The following DPH6 variants were observed in gnomAD, a reference collection of about 807,000 sequenced individuals.
DPH6 encodes the protein diphthine--ammonia ligase.
Under a neutral mutation model 38.2 loss-of-function variants are expected in DPH6, and 33 were observed. That is an observed-to-expected ratio of 0.86 (90% CI 0.65 to 1.15). The LOEUF is 1.15. Ranked by LOEUF, DPH6 falls within the 50% of genes most tolerant of loss-of-function variation. The pLI, the probability that DPH6 is intolerant of heterozygous loss-of-function variation, is 0.00. For synonymous variants in DPH6, 108 were observed against 103.0 expected (o/e 1.05, Z -0.30); for missense variants, 325 against 320.0 (o/e 1.02, Z -0.12).
intron 3 of DPH6, among the ~76,000 whole-genome samples, chr15:35,234,502 A>G (rs2051538713): frequency 6.6e-6 from 1 of 152,242 alleles, no homozygotes; most frequent in Non-Finnish European, 1.5e-5. Context: ...ACAAATCAAA[A>G]TTTACAATAA....
At chr15:35,542,311 G>A (rs1249070373) in intron 2 of DPH6, 102 bp downstream of exon 2, 1 of 957,862 alleles carries the variant, frequency 1.0e-6, no homozygotes, top group Non-Finnish European at 1.6e-6. Context: ...AATATTTATT[G>A]GTTCTTTTTT....
At chr15:35,239,777 C>T (rs1168530898) in intron 3 of DPH6, among the ~76,000 whole-genome samples, 16 of 142,016 alleles carry the variant, frequency 1.1e-4, no homozygotes, top group South Asian at 5.0e-4. Context: ...CAGCAAGTCC[C>T]GCTTTCCTAG....
chr15:35,354,599 G>C (rs1282830149), intron 3 of DPH6, among the ~76,000 whole-genome samples: 1 of 152,184 alleles, frequency 6.6e-6, no homozygotes, highest in Non-Finnish European at 1.5e-5. Flanking sequence ...ATTTGCCTAT[G>C]TTGAACTAGC....
the DPH6 span, among the ~76,000 whole-genome samples, chr15:35,170,994 G>A: frequency 6.6e-6 from 1 of 152,150 alleles, no homozygotes; most frequent in Non-Finnish European, 1.5e-5. Flanking sequence ...CACAATGGTG[G>A]AGCTTGGTGA....
intron 3 of DPH6, among the ~76,000 whole-genome samples, chr15:35,263,160 T>C (rs566113830): frequency 6.6e-6 from 1 of 152,128 alleles, no homozygotes; most frequent in Admixed American, 6.5e-5. Flanking sequence ...TAGTTTATCA[T>C]AGAGCTACTA....
chr15:35,239,641 G>T lies in DPH6; in HGVS notation n.201-19059C>A, dbSNP rs1296698266. Reference sequence around the variant, plus strand: ...AACCCCTTCTCCTTCAACCTTAGCGGCAAGTCCCGCTTTCCTGGGGCAGGG... The same window carrying T: ...AACCCCTTCTCCTTCAACCTTAGCGTCAAGTCCCGCTTTCCTGGGGCAGGG... On this transcript the variant is annotated intron_variant and non_coding_transcript_variant, in intron 3 of 3. Transcript: ENST00000560386. Among the ~76,000 whole-genome samples, 4 of 139,164 alleles carry T rather than the reference G, an allele frequency of 2.9e-5. 1 individual carries two copies. The highest frequency in any genetic ancestry group is 1.0e-4 in the African/African-American group (4 of 38,272). The allele number at this position is 139,164 out of a possible 152,430, so 91.3% of individuals were successfully genotyped here. A position where few individuals can be genotyped will look rare whatever the true frequency, so the allele number is the denominator to read the frequency against.
In DPH6 at chr15:35,436,448, AGAGT is replaced by A. The variant is rs1237273683; in HGVS notation, c.505+14233_505+14236del. ...GCCACTGCGCTCCAGCCTGGGAGAC[AGAGT>A]GAGACTCCGTCTCAAACAAAACAAA... On this transcript the variant is annotated intron_variant, in intron 5 of 8. Transcript: ENST00000256538. 4.3e-3 allele frequency among the ~76,000 whole-genome samples: 634 copies of A among 147,624 alleles called. 10 individuals carry two copies. Among genetic ancestry groups the A allele is most frequent in the African/African-American group, 0.015 (588 of 39,722 alleles).
In DPH6 at chr15:35,454,819, TC is replaced by T; in HGVS notation, c.313del (p.Glu105LysfsTer5). 1 of 1,594,858 alleles carries T rather than the reference TC, an allele frequency of 6.3e-7. No individual in the cohort carries two copies. The highest frequency in any genetic ancestry group is 8.5e-7 in the Non-Finnish European group (1 of 1,173,520). On this transcript the variant is annotated frameshift_variant and splice_region_variant, in exon 4 of 9. Transcript: ENST00000256538. LOFTEE classifies it high-confidence loss of function. The part of the protein sequence containing the change: ...DLYELLKLVK[E>X]KEEVEGISVG... Reference sequence around the variant, plus strand: ...TGATATCCCCTCTACTTCTTCTTTTTCCTGAAAATAAAGAAAAAAACCATAA... The same window carrying T: ...TGATATCCCCTCTACTTCTTCTTTTTCTGAAAATAAAGAAAAAAACCATAA...
At chr15:35,169,566 A>G in the DPH6 span, 33 of 152,256 alleles carry the variant, frequency 2.2e-4, no homozygotes, top group Admixed American at 2.1e-3. Context: ...TTCTTGCAGT[A>G]GACAGTAGAG....
intron 3 of DPH6, among the ~76,000 whole-genome samples, chr15:35,236,106 A>G (rs2140396344): frequency 6.6e-6 from 1 of 152,346 alleles, no homozygotes; most frequent in East Asian, 1.9e-4. Context: ...ATATGCATAA[A>G]TATGAGGTAC....
At chr15:35,154,004 C>T in the DPH6 span, among the ~76,000 whole-genome samples, 1 of 152,118 alleles carries the variant, frequency 6.6e-6, no homozygotes, top group East Asian at 1.9e-4. Flanking sequence ...AGTGGTTCAT[C>T]TTACCTAGAT....
intron 3 of DPH6, among the ~76,000 whole-genome samples, chr15:35,243,532 C>T (rs1595443677): frequency 6.8e-6 from 1 of 146,184 alleles, no homozygotes; most frequent in African/African-American, 2.5e-5. Context: ...TAACTGATGA[C>T]ATTCCACCAT....
chr15:35,158,434 C>T, the DPH6 span, among the ~76,000 whole-genome samples: 1 of 151,944 alleles, frequency 6.6e-6, no homozygotes, highest in African/African-American at 2.4e-5. Flanking sequence ...AAACAAACCC[C>T]CTTTCATGAA....
chr15:35,333,603 G>A (rs1186733946), intron 3 of DPH6, among the ~76,000 whole-genome samples: 1 of 152,044 alleles, frequency 6.6e-6, no homozygotes, highest in Non-Finnish European at 1.5e-5. Context: ...TTAAAGCACT[G>A]AGCGTACCTG....
intron 2 of DPH6, among the ~76,000 whole-genome samples, chr15:35,541,098 T>TA (rs1328749626): frequency 3.3e-5 from 5 of 152,068 alleles, no homozygotes; most frequent in African/African-American, 1.2e-4. Context: ...ACATCACTTC[T>TA]AAAAAACCAT....
chr15:35,448,227 T>C (rs1446165223), intron 5 of DPH6, among the ~76,000 whole-genome samples: 18 of 152,190 alleles, frequency 1.2e-4, no homozygotes, highest in Admixed American at 1.2e-3. Flanking sequence ...TATATGTTTA[T>C]AGAAAGATTA....
At chr15:35,483,208 G>T (rs1043560274) in intron 3 of DPH6, among the ~76,000 whole-genome samples, 1 of 152,018 alleles carries the variant, frequency 6.6e-6, no homozygotes, top group Non-Finnish European at 1.5e-5. Flanking sequence ...GTTCATGCCT[G>T]TAATCCCAGC....
intron 5 of DPH6, among the ~76,000 whole-genome samples, chr15:35,420,472 G>T (rs1415379684): frequency 6.6e-6 from 1 of 152,026 alleles, no homozygotes; most frequent in East Asian, 1.9e-4. Context: ...ATTGAGCCTG[G>T]CAAAACAATG....
intron 3 of DPH6, 65 bp from the exon 4 acceptor site, chr15:35,454,885 T>C: frequency 8.3e-7 from 1 of 1,209,692 alleles, no homozygotes; most frequent in Non-Finnish European, 1.2e-6. Flanking sequence ...CATCATGCTC[T>C]GAAAATTATA....
Sources: allele counts gnomAD v4.1 joint callset (sites outside exome capture counted in the v4.1 genomes callset), GRCh38; gene constraint gnomAD v4.1.1; transcripts MANE v1.5; gene names NCBI Gene and HGNC (gene_info 2026-07-23, HGNC 2026-07-21).